ANLN: variants seen among roughly 807,000 people sequenced by gnomAD.
ANLN encodes the protein anillin, actin binding protein, also known as anillin.
Under a neutral mutation model 135.1 loss-of-function variants are expected in ANLN, and 59 were observed. The ratio of observed to expected loss-of-function variants is 0.44; its 90% CI spans 0.35 to 0.54. ANLN has a LOEUF of 0.54. Ranked by LOEUF, ANLN falls within the 20% of genes least tolerant of loss-of-function variation. The probability of loss-of-function intolerance (pLI) is 0.00; values close to 1 mark genes in which losing one functional copy is unlikely to be tolerated. For missense variants in ANLN, 1,182 were observed against 1,340.0 expected, an observed-to-expected ratio of 0.88 and a Z score of 1.84; for synonymous variants, 406 against 456.4, an observed-to-expected ratio of 0.89 and a Z score of 1.41.
chr7:36,441,848 C>A (rs1263611044), intron 21 of ANLN, among the ~76,000 whole-genome samples: 1 of 152,138 alleles, frequency 6.6e-6, no homozygotes, highest in Non-Finnish European at 1.5e-5. Context: ...TTTGTGTTAA[C>A]TTTCATGCTT....
chr7:36,448,939 CT>C (rs1789126928), intron 22 of ANLN: 1 of 152,208 alleles, frequency 6.6e-6, no homozygotes, highest in Non-Finnish European at 1.5e-5. Context: ...TCATATTATA[CT>C]TTCACCAGTG....
In ANLN at chr7:36,410,680, C is replaced by G. The variant is rs902059102; in HGVS notation, c.1263C>G (p.Thr421=). Residue 421 remains threonine, a synonymous_variant, in exon 6 of 24, where the codon ACC becomes ACG. Transcript: ENST00000265748. ...AGCAAGACACATCTTCATCTACTAC[C>G]CATTTAGCACAACAGCTCAAGCAGG... ...LFKQDTSSST[T]HLAQQLKQER... The G allele has an allele frequency of 1.2e-6, 2 of 1,613,896 alleles. No individual in the cohort carries two copies. Among genetic ancestry groups the G allele is most frequent in the Non-Finnish European group, 1.7e-6 (2 of 1,179,896 alleles).
chr7:36,447,712 C>A (rs1205919252), intron 22 of ANLN, among the ~76,000 whole-genome samples: 1 of 152,118 alleles, frequency 6.6e-6, no homozygotes, highest in South Asian at 2.1e-4. Context: ...GCAGGTAAGG[C>A]GTGGATACGC....
At chr7:36,440,802 T>A in intron 21 of ANLN, among the ~76,000 whole-genome samples, 1 of 152,194 alleles carries the variant, frequency 6.6e-6, no homozygotes, top group Admixed American at 6.5e-5. Context: ...AAAGTATGTG[T>A]GTAGAATGCA....
At chr7:36,409,662 T>C (rs1252207180) in intron 5 of ANLN, among the ~76,000 whole-genome samples, 1 of 152,122 alleles carries the variant, frequency 6.6e-6, no homozygotes, top group Non-Finnish European at 1.5e-5. Flanking sequence ...TTTTTTGTTT[T>C]GTTTTGTTTG....
chr7:36,403,868 C>T (rs1289929892), intron 3 of ANLN, among the ~76,000 whole-genome samples: 1 of 152,140 alleles, frequency 6.6e-6, no homozygotes, highest in African/African-American at 2.4e-5. Context: ...GCCGTGTTGC[C>T]CAGGTTGGTC....
Position 36,406,337 on chromosome 7 carries a change from A to C in ANLN, c.644A>C (p.Asp215Ala). 1 of 1,614,222 alleles carries C rather than the reference A, an allele frequency of 6.2e-7. No individual in the cohort carries two copies. Among genetic ancestry groups the C allele is most frequent in the Non-Finnish European group, 8.5e-7 (1 of 1,180,018 alleles). Residue 215 changes from aspartate (D) to alanine (A), a missense_variant, in exon 4 of 24, where the codon GAT becomes GCT. Asp to Ala is a moderately radical substitution (Grantham distance 126). Coordinates refer to ENST00000265748, the MANE Select transcript of ANLN (RefSeq NM_018685.5). ...LAATICSWED[D>A]VNHSFAKQNS... Reference sequence around the variant, plus strand: ...GCAACTATTTGCTCCTGGGAAGATGATGTAAATCACTCATTTGCAAAACAA... The same window carrying C: ...GCAACTATTTGCTCCTGGGAAGATGCTGTAAATCACTCATTTGCAAAACAA...
intron 18 of ANLN, 64 bp downstream of exon 18, chr7:36,425,804 A>G: frequency 6.6e-7 from 1 of 1,512,860 alleles, no homozygotes; most frequent in Non-Finnish European, 9.1e-7. Context: ...ATACAGTTTT[A>G]AATTGGTTAA....
At chr7:36,394,518 G>T (rs1296806820) in intron 1 of ANLN, among the ~76,000 whole-genome samples, 1 of 152,040 alleles carries the variant, frequency 6.6e-6, no homozygotes, top group Non-Finnish European at 1.5e-5. Flanking sequence ...TTTATTTAGC[G>T]GGTGAAGGTC....
At chr7:36,440,554 A>G (rs1320224737) in intron 21 of ANLN, among the ~76,000 whole-genome samples, 2 of 152,106 alleles carry the variant, frequency 1.3e-5, no homozygotes, top group African/African-American at 4.8e-5. Context: ...TGTAGGGTGA[A>G]AGGAGGATTT....
intron 7 of ANLN, among the ~76,000 whole-genome samples, chr7:36,412,981 C>T (rs1174771342): frequency 6.6e-6 from 1 of 152,064 alleles, no homozygotes. Flanking sequence ...TCACCCATGT[C>T]ATCCTGTGTA....
chr7:36,404,112 A>G (rs576522559), intron 3 of ANLN, among the ~76,000 whole-genome samples: 7 of 152,098 alleles, frequency 4.6e-5, no homozygotes, highest in Non-Finnish European at 1.0e-4. Context: ...CTGAGTTTGC[A>G]GGCGCCCGTC....
chr7:36,448,801 A>G (rs1650376634), intron 22 of ANLN: 3 of 152,222 alleles, frequency 2.0e-5, no homozygotes, highest in African/African-American at 7.2e-5. Context: ...GTGACTACAC[A>G]TATTAGAATC....
At position 36,453,354 on chromosome 7, in the gene ANLN, ACTC is replaced by A. The variant is rs1163861716; in HGVS notation, c.*757_*759del. On this transcript the variant is annotated 3_prime_UTR_variant, in exon 24 of 24. Transcript: ENST00000265748. The stretch of plus-strand genomic sequence containing the variant: ...CAGACTTAGCATATTAGTTTTTTCT[ACTC>A]CTACAAGTGTAAATTGAAAAATCTT... The A allele has an allele frequency of 6.6e-6, 1 of 152,130 alleles. No individual in the cohort carries two copies. The highest frequency in any genetic ancestry group is 1.5e-5 in the Non-Finnish European group (1 of 68,032). 9.4% of individuals were successfully genotyped at this position (152,130 alleles called of 1,614,324 possible). A position where few individuals can be genotyped will look rare whatever the true frequency, so the allele number is the denominator to read the frequency against.
intron 14 of ANLN, among the ~76,000 whole-genome samples, chr7:36,423,197 G>T (rs1351763838): frequency 1.3e-5 from 2 of 152,096 alleles, no homozygotes; most frequent in Admixed American, 1.3e-4. Flanking sequence ...TGAGGGGAAG[G>T]AGGGCTAGAC....
At chr7:36,396,195 T>C (rs1786687573) in intron 1 of ANLN, 71 bp from the exon 2 acceptor site, 1 of 1,355,538 alleles carries the variant, frequency 7.4e-7, no homozygotes, top group South Asian at 1.7e-5. Context: ...TTGGTGATTT[T>C]AGAAGATACT....
In ANLN at chr7:36,428,238, T is replaced by G. The variant is rs1788166116; in HGVS notation, c.2883+1210T>G. Reference sequence around the variant, plus strand: ...ATTTTTGTAACTTTTTATTTAGTAATTCAGCTACTTTAACCAGTTGAGTGA... The same window carrying G: ...ATTTTTGTAACTTTTTATTTAGTAAGTCAGCTACTTTAACCAGTTGAGTGA... On this transcript the variant is annotated intron_variant, in intron 20 of 23. Transcript: ENST00000265748. 5.2e-6 allele frequency: 4 copies of G among 770,156 alleles called. No homozygotes were observed. The South Asian group carries it at 7.9e-5, about 15-fold the overall frequency. The allele number at this position is 770,156 out of a possible 1,614,324, so 47.7% of individuals were successfully genotyped here.
chr7:36,439,346 C>A, intron 21 of ANLN, 56 bp downstream of exon 21: 1 of 1,002,050 alleles, frequency 1.0e-6, no homozygotes, highest in Non-Finnish European at 1.5e-6. Flanking sequence ...GAAATACAGA[C>A]TTGTTTCCCA....
chr7:36,441,160 TTTATA>T (rs1444259785), intron 21 of ANLN, among the ~76,000 whole-genome samples: 8 of 152,180 alleles, frequency 5.3e-5, no homozygotes, highest in African/African-American at 1.9e-4. Context: ...TGTAAACATT[TTTATA>T]TTTTATTGTT....
Sources: gnomAD v4.1 joint callset for allele counts (sites outside exome capture counted in the v4.1 genomes callset) on GRCh38, gnomAD v4.1.1 for gene constraint, MANE v1.5 for transcripts, NCBI Gene and HGNC (gene_info 2026-07-23, HGNC 2026-07-21) for gene names.